Variants in SFTPA1 observed in about 807,000 individuals in gnomAD.
SFTPA1 encodes the protein pulmonary surfactant-associated protein A1.
SFTPA1 carries 13 observed loss-of-function variants against 19.1 expected under a neutral mutation model. That is an observed-to-expected ratio of 0.68 (90% confidence interval 0.44 to 1.08). The LOEUF is 1.08. Among genes scored for constraint, SFTPA1 ranks in the 50% least tolerant of loss-of-function variants. SFTPA1 has a pLI of 0.00. For synonymous variants in SFTPA1, 101 were observed against 117.0 expected, an observed-to-expected ratio of 0.86 and a Z score of 0.88; for missense variants, 259 against 316.4, an observed-to-expected ratio of 0.82 and a Z score of 1.38.
At position 79,614,786 on chromosome 10, in the gene SFTPA1, C is replaced by G. The variant is rs1860074373; in HGVS notation, c.*673C>G. ...ACTCAGCCCCCTGACCTGAAGACAG[C>G]CAGCCTAGGCCTCTAGGGTGACCTA... On this transcript the variant is annotated 3_prime_UTR_variant, in exon 6 of 6. Transcript: ENST00000398636. The G allele has an allele frequency of 2.9e-6, 1 of 349,080 alleles. No individual in the cohort carries two copies. Among genetic ancestry groups the G allele is most frequent in the Non-Finnish European group, 5.8e-6 (1 of 172,074 alleles). 21.6% of individuals were successfully genotyped at this position (349,080 alleles called of 1,614,324 possible). A position where few individuals can be genotyped will look rare whatever the true frequency, so the allele number is the denominator to read the frequency against.
In SFTPA1 at chr10:79,613,862, A is replaced by G; in HGVS notation, c.496A>G (p.Arg166Gly). 3 of 1,613,962 alleles carry G rather than the reference A, an allele frequency of 1.9e-6. No individual in the cohort carries two copies. Among genetic ancestry groups the G allele is most frequent in the Non-Finnish European group, 2.5e-6 (3 of 1,179,830 alleles). ...ARAGGRIAVP[R>G]NPEENEAIAS... ...AGCAGGCGGCCGCATTGCTGTCCCA[A>G]GGAATCCAGAGGAAAATGAGGCCAT... The change falls in exon 6 of 6, where the codon AGG becomes GGG. Residue 166 changes from arginine (R) to glycine (G), a missense_variant. Coordinates refer to ENST00000398636, the MANE Select transcript of SFTPA1 (RefSeq NM_005411.5).
In SFTPA1 at chr10:79,612,494, A is replaced by T. The variant is rs895409797; in HGVS notation, c.292+63A>T. 4.4e-6 allele frequency: 7 copies of T among 1,603,990 alleles called. No homozygotes were observed. The South Asian group carries it at 7.7e-5, about 18-fold the overall frequency. The stretch of plus-strand genomic sequence containing the variant: ...GCACAGCGACCCTGAAGTCAGTTAC[A>T]CGGGGATGATGGGGATCAGACAAAC... On this transcript the variant is annotated intron_variant, in intron 4 of 5. Coordinates refer to ENST00000398636, the MANE Select transcript of SFTPA1 (RefSeq NM_005411.5).
At chr10:79,611,547 C>T in intron 2 of SFTPA1, 158 bp downstream of exon 2, 1 of 1,537,708 alleles carries the variant, frequency 6.5e-7, no homozygotes, top group South Asian at 1.2e-5. Flanking sequence ...TCCCCGGGCT[C>T]CCCAGAGCTC....
Position 79,614,548 on chromosome 10 carries a change from G to C in SFTPA1, c.*435G>C, listed in dbSNP as rs141903992. On this transcript the variant is annotated 3_prime_UTR_variant, in exon 6 of 6. Transcript: ENST00000398636. Reference sequence around the variant, plus strand: ...CATCAGGATGAGCAATCCTGGCCAAGCATAATGACAGAGAGAGGCAGACTT... The same window carrying C: ...CATCAGGATGAGCAATCCTGGCCAACCATAATGACAGAGAGAGGCAGACTT... The C allele has an allele frequency of 3.2e-3, 666 of 206,424 alleles. 21 individuals carry two copies. The highest frequency in any genetic ancestry group is 0.015 in the African/African-American group (641 of 41,770). The allele number at this position is 206,424 out of a possible 1,614,324, so 12.8% of individuals were successfully genotyped here. A position where few individuals can be genotyped will look rare whatever the true frequency, so the allele number is the denominator to read the frequency against.
At position 79,614,960 on chromosome 10, in the gene SFTPA1, A is replaced by G; in HGVS notation, c.*847A>G. On this transcript the variant is annotated 3_prime_UTR_variant, in exon 6 of 6. Coordinates refer to ENST00000398636, the MANE Select transcript of SFTPA1 (RefSeq NM_005411.5). ...ATCCATTCACCCAGATATTTCATTAAAATTATCACGTGCCAGGTCTTAGGA... is the reference window on the plus strand; with the variant it reads ...ATCCATTCACCCAGATATTTCATTAGAATTATCACGTGCCAGGTCTTAGGA... 7.7e-7 allele frequency: 1 copy of G among 1,297,294 alleles called. No individual in the cohort carries two copies. The highest frequency in any genetic ancestry group is 2.3e-5 in the Admixed American group (1 of 42,910). The allele number at this position is 1,297,294 out of a possible 1,614,324, so 80.4% of individuals were successfully genotyped here.
intron 2 of SFTPA1, 130 bp from the exon 3 acceptor site, chr10:79,611,673 G>A: frequency 1.3e-6 from 2 of 1,577,930 alleles, no homozygotes; most frequent in Non-Finnish European, 1.7e-6. Flanking sequence ...GGAGCTTCGG[G>A]TCTTCCCAGC....
chr10:79,613,897 C>T lies in SFTPA1; in HGVS notation c.531C>T (p.Phe177=), dbSNP rs1004392703. 6.2e-6 allele frequency: 10 copies of T among 1,613,980 alleles called. No homozygotes were observed. The highest frequency in any genetic ancestry group is 1.7e-4 in the Middle Eastern group (1 of 6,056). ...NPEENEAIAS[F]VKKYNTYAYV... is the part of the protein sequence containing the mutation. The stretch of plus-strand genomic sequence containing the variant: ...AGGAAAATGAGGCCATTGCAAGCTT[C>T]GTGAAGAAGTACAACACATATGCCT... The change falls in exon 6 of 6, where the codon TTC becomes TTT. Residue 177 remains phenylalanine (F), a synonymous_variant. Coordinates refer to ENST00000398636, the MANE Select transcript of SFTPA1 (RefSeq NM_005411.5).
At position 79,614,090 on chromosome 10, in the gene SFTPA1, C is replaced by A. The variant is rs4253528; in HGVS notation, c.724C>A (p.Arg242=). The A allele has an allele frequency of 6.2e-7, 1 of 1,614,064 alleles. No homozygotes were observed. Among genetic ancestry groups the A allele is most frequent in the Admixed American group, 1.7e-5 (1 of 60,014 alleles). ...GAATGACAGGAACTGCCTGTACTCC[C>A]GACTGACCATCTGTGAGTTCTGAGA... ...QWNDRNCLYS[R]LTICEF Residue 242 remains arginine (R), a synonymous_variant, in exon 6 of 6, where the codon CGA becomes AGA. Coordinates refer to ENST00000398636, the MANE Select transcript of SFTPA1 (RefSeq NM_005411.5).
intron 3 of SFTPA1, 57 bp downstream of exon 3, chr10:79,612,054 C>T: frequency 2.5e-6 from 4 of 1,603,058 alleles, no homozygotes; most frequent in Non-Finnish European, 2.6e-6. Flanking sequence ...TTTCAGGAGG[C>T]CCATCTGTCC....
At position 79,612,376 on chromosome 10, in the gene SFTPA1, T is replaced by C; in HGVS notation, c.237T>C (p.Pro79=). The change falls in exon 4 of 6, where the codon CCT becomes CCC. Residue 79 remains proline (P), a synonymous_variant. Coordinates refer to ENST00000398636, the MANE Select transcript of SFTPA1 (RefSeq NM_005411.5). The part of the protein sequence containing the change: ...PPGNDGLPGA[P]GIPGECGEKG... Reference sequence around the variant, plus strand: ...GAAATGATGGGCTGCCTGGAGCCCCTGGTATCCCTGGAGAGTGTGGAGAGA... The same window carrying C: ...GAAATGATGGGCTGCCTGGAGCCCCCGGTATCCCTGGAGAGTGTGGAGAGA... The C allele has an allele frequency of 6.2e-7, 1 of 1,613,816 alleles. No homozygotes were observed. Among genetic ancestry groups the C allele is most frequent in the South Asian group, 1.1e-5 (1 of 91,068 alleles).
intron 4 of SFTPA1, among the ~76,000 whole-genome samples, chr10:79,612,729 A>G (rs1232892283): frequency 1.3e-5 from 2 of 151,994 alleles, no homozygotes. Flanking sequence ...ATGTCCTGGG[A>G]TGGAGGCCCT....
chr10:79,614,830 A>T lies in SFTPA1; in HGVS notation c.*717A>T. On this transcript the variant is annotated 3_prime_UTR_variant, in exon 6 of 6. Coordinates refer to ENST00000398636, the MANE Select transcript of SFTPA1 (RefSeq NM_005411.5). ...TGACCTAGAGCCGCCTTCAGATGTG[A>T]CCCGAGTAACTTTCAACTGATGAAC... 1 of 463,974 alleles carries T rather than the reference A, an allele frequency of 2.2e-6. No homozygotes were observed. The highest frequency in any genetic ancestry group is 3.8e-6 in the Non-Finnish European group (1 of 262,484). 28.7% of individuals were successfully genotyped at this position (463,974 alleles called of 1,614,324 possible).
Position 79,614,247 on chromosome 10 carries a change from C to G in SFTPA1, c.*134C>G. ...TTGTGGCTATTGGGACTGGAGGCAC[C>G]CTTAGCCACTTCATTCCTCTGATGG... is the stretch of plus-strand genomic sequence containing the variant. On this transcript the variant is annotated 3_prime_UTR_variant, in exon 6 of 6. Coordinates refer to ENST00000398636, the MANE Select transcript of SFTPA1 (RefSeq NM_005411.5). The G allele has an allele frequency of 7.0e-7, 1 of 1,433,148 alleles. No individual in the cohort carries two copies. Among genetic ancestry groups the G allele is most frequent in the Non-Finnish European group, 9.6e-7 (1 of 1,043,390 alleles). The allele number at this position is 1,433,148 out of a possible 1,614,324, so 88.8% of individuals were successfully genotyped here. A position where few individuals can be genotyped will look rare whatever the true frequency, so the allele number is the denominator to read the frequency against.
chr10:79,612,247 G>T, intron 3 of SFTPA1, 65 bp from the exon 4 acceptor site: 1 of 1,613,410 alleles, frequency 6.2e-7, no homozygotes, highest in Non-Finnish European at 8.5e-7. Context: ...TGGGCATCGA[G>T]TCTCACTAGC....
chr10:79,614,004 G>A lies in SFTPA1; in HGVS notation c.638G>A (p.Arg213Gln), dbSNP rs756233986. The A allele has an allele frequency of 6.8e-6, 11 of 1,614,104 alleles. No homozygotes were observed. The highest frequency in any genetic ancestry group is 5.0e-5 in the Admixed American group (3 of 60,014). ...CCTGTAAACTACACCAACTGGTACC[G>A]AGGGGAGCCCGCAGGTCGGGGAAAA... ...GTPVNYTNWY[R>Q]GEPAGRGKEQ... Residue 213 changes from arginine to glutamine, a missense_variant, in exon 6 of 6, where the codon CGA (arginine) becomes CAA (glutamine). Arg to Gln is a conservative substitution (Grantham distance 43, BLOSUM62 1). Coordinates refer to ENST00000398636, the MANE Select transcript of SFTPA1 (RefSeq NM_005411.5).
intron 5 of SFTPA1, 29 bp downstream of exon 5, chr10:79,613,295 T>C (rs1234384622): frequency 2.5e-6 from 4 of 1,613,640 alleles, no homozygotes. Context: ...CCTCACGGGG[T>C]AGGAGTTTCC....
intron 4 of SFTPA1, among the ~76,000 whole-genome samples, chr10:79,612,832 G>A (rs368727658): frequency 1.9e-3 from 281 of 150,458 alleles, no homozygotes; most frequent in African/African-American, 6.3e-3. Context: ...GAAGCTCAGA[G>A]CGGTAAGCAA....
chr10:79,614,836 G>A lies in SFTPA1; in HGVS notation c.*723G>A, dbSNP rs4253603. On this transcript the variant is annotated 3_prime_UTR_variant, in exon 6 of 6. Transcript: ENST00000398636. ...AGAGCCGCCTTCAGATGTGACCCGA[G>A]TAACTTTCAACTGATGAACAAATCT... 27,097 of 495,778 alleles carry A rather than the reference G, an allele frequency of 0.055. 930 individuals carry two copies. The highest frequency in any genetic ancestry group is 0.076 in the Middle Eastern group (210 of 2,748). 30.7% of individuals were successfully genotyped at this position (495,778 alleles called of 1,614,324 possible).
rs558842165 is a variant in SFTPA1, at chr10:79,611,776, A to G, written c.-23-27A>G. 12 of 1,613,890 alleles carry G rather than the reference A, an allele frequency of 7.4e-6. No homozygotes were observed. In the East Asian group the frequency reaches 1.8e-4, roughly 24 times the overall value. On this transcript the variant is annotated intron_variant, in intron 2 of 5. Coordinates refer to ENST00000398636, the MANE Select transcript of SFTPA1 (RefSeq NM_005411.5). ...GGGGAGATGTTGGCAGAGGTGGCAG[A>G]TGGGCTCACGGCCATCCCTCCTGCA...
Sources: gnomAD v4.1 joint callset for allele counts (sites outside exome capture counted in the v4.1 genomes callset) on GRCh38, gnomAD v4.1.1 for gene constraint, MANE v1.5 for transcripts, NCBI Gene and HGNC (gene_info 2026-07-23, HGNC 2026-07-21) for gene names.